DPY19L3: variants seen among roughly 807,000 people sequenced by gnomAD.
DPY19L3 encodes the protein protein C-mannosyl-transferase DPY19L3.
In DPY19L3, 51 loss-of-function variants were observed where a neutral mutation model predicts 92.3. The observed-to-expected ratio is 0.55, with a 90% CI of 0.44 to 0.70. The LOEUF (loss-of-function observed/expected upper bound fraction) is 0.70, where lower values mean the gene tolerates loss of function less well. Among genes scored for constraint, DPY19L3 ranks in the 30% least tolerant of loss-of-function variants. The pLI, the probability that DPY19L3 is intolerant of heterozygous loss-of-function variation, is 0.00. For missense variants in DPY19L3, 706 were observed against 855.9 expected, an observed-to-expected ratio of 0.82 and a Z score of 2.18; for synonymous variants, 309 against 315.2, an observed-to-expected ratio of 0.98 and a Z score of 0.21.
intron 3 of DPY19L3, among the ~76,000 whole-genome samples, chr19:32,429,895 A>T (rs1258949397): frequency 6.6e-6 from 1 of 152,194 alleles, no homozygotes; most frequent in Non-Finnish European, 1.5e-5. Context: ...TCTAGAAACG[A>T]GTGATACCAG....
intron 15 of DPY19L3, among the ~76,000 whole-genome samples, chr19:32,464,995 A>G (rs943145244): frequency 1.4e-4 from 22 of 152,240 alleles, no homozygotes; most frequent in Non-Finnish European, 1.0e-4. Flanking sequence ...GAAAACTACT[A>G]TAGCATTTAA....
intron 6 of DPY19L3, among the ~76,000 whole-genome samples, chr19:32,437,571 C>A (rs1312170859): frequency 6.6e-6 from 1 of 152,118 alleles, no homozygotes; most frequent in East Asian, 1.9e-4. Context: ...TCAAGAAAAT[C>A]ATTCATAATA....
At chr19:32,409,604 C>T (rs563225360) in intron 2 of DPY19L3, among the ~76,000 whole-genome samples, 209 of 152,324 alleles carry the variant, frequency 1.4e-3, no homozygotes, top group Non-Finnish European at 2.1e-3. Context: ...CCTCAGGGTT[C>T]TGCAGACTGT....
rs563476108 is a variant in DPY19L3 at position 32,462,598 on chromosome 19, C to T, written c.1323-768C>T. Among the ~76,000 whole-genome samples, 4 of 152,274 alleles carry T rather than the reference C, an allele frequency of 2.6e-5. No individual in the cohort carries two copies. The South Asian group carries it at 6.2e-4, about 24-fold the overall frequency. On this transcript the variant is annotated intron_variant, in intron 12 of 18. Coordinates refer to ENST00000392250, the MANE Select transcript of DPY19L3 (RefSeq NM_001172774.2). ...TGAAACGTATAACCACCACTGTGAG[C>T]CACACCTGGGAGACGGGAACAGCTT...
chr19:32,439,879 T>C lies in DPY19L3; in HGVS notation c.824T>C (p.Leu275Pro). The C allele has an allele frequency of 6.2e-7, 1 of 1,613,836 alleles. No individual in the cohort carries two copies. The highest frequency in any genetic ancestry group is 8.5e-7 in the Non-Finnish European group (1 of 1,179,806). Residue 275 changes from leucine (L) to proline (P), a missense_variant, in exon 8 of 19, where the codon CTG (leucine) becomes CCG (proline). Coordinates refer to ENST00000392250, the MANE Select transcript of DPY19L3 (RefSeq NM_001172774.2). ...MLMQALVLFT[L>P]DSLDMLPAVK... ...ATGCAAGCATTAGTGCTGTTCACAC[T>C]GGACTCCCTGGACATGCTGCCAGCA...
At chr19:32,450,156 C>T (rs1313798166) in intron 8 of DPY19L3, among the ~76,000 whole-genome samples, 2 of 152,118 alleles carry the variant, frequency 1.3e-5, no homozygotes, top group Admixed American at 6.6e-5. Flanking sequence ...CATTAGCTAT[C>T]AGAGAAATGC....
At chr19:32,434,768 G>A (rs1037864197) in intron 4 of DPY19L3, among the ~76,000 whole-genome samples, 2 of 152,266 alleles carry the variant, frequency 1.3e-5, no homozygotes, top group African/African-American at 4.8e-5. Flanking sequence ...AGGTTAGGGA[G>A]CCACATGGTC....
intron 18 of DPY19L3, chr19:32,481,274 CTT>C (rs1330811018): frequency 2.0e-5 from 3 of 152,358 alleles, no homozygotes; most frequent in African/African-American, 7.3e-5. Flanking sequence ...AAAAAAAAAT[CTT>C]GACTGTACAG....
intron 3 of DPY19L3, among the ~76,000 whole-genome samples, chr19:32,430,186 C>T (rs1968912832): frequency 6.6e-6 from 1 of 152,082 alleles, no homozygotes; most frequent in African/African-American, 2.4e-5. Context: ...CTCAGGAGTT[C>T]AAGACCAGCC....
intron 18 of DPY19L3, 137 bp from the exon 19 acceptor site, chr19:32,481,941 GT>G (rs1409989129): frequency 1.1e-6 from 1 of 946,668 alleles, no homozygotes; most frequent in African/African-American, 1.7e-5. Context: ...TGATCTCCAG[GT>G]GCCCATGGAC....
At chr19:32,477,748 C>A in intron 17 of DPY19L3, 94 bp downstream of exon 17, 1 of 1,496,152 alleles carries the variant, frequency 6.7e-7, no homozygotes, top group East Asian at 2.4e-5. Flanking sequence ...ATGCTGCACC[C>A]TCCAGCATTA....
At chr19:32,472,420 C>T (rs11666445) in intron 16 of DPY19L3, among the ~76,000 whole-genome samples, 1 of 152,140 alleles carries the variant, frequency 6.6e-6, no homozygotes, top group East Asian at 1.9e-4. Flanking sequence ...CTGCTCTCCA[C>T]GCTACACCGA....
At chr19:32,450,428 G>C (rs965973152) in intron 8 of DPY19L3, among the ~76,000 whole-genome samples, 5 of 152,166 alleles carry the variant, frequency 3.3e-5, no homozygotes, top group African/African-American at 1.2e-4. Context: ...AAAAATGTTT[G>C]TATATGAATA....
Position 32,464,747 on chromosome 19 carries a change from C to T in DPY19L3, c.1577C>T (p.Ser526Leu), listed in dbSNP as rs2145601271. 2 of 1,522,380 alleles carry T rather than the reference C, an allele frequency of 1.3e-6. No individual in the cohort carries two copies. The highest frequency in any genetic ancestry group is 4.9e-5 in the East Asian group (2 of 40,910). The allele number at this position is 1,522,380 out of a possible 1,614,324, so 94.3% of individuals were successfully genotyped here. A position where few individuals can be genotyped will look rare whatever the true frequency, so the allele number is the denominator to read the frequency against. The change falls in exon 15 of 19, where the codon TCA becomes TTA. Residue 526 changes from serine (S) to leucine (L), a missense_variant. Ser to Leu is a moderately radical substitution (Grantham distance 145, BLOSUM62 -2). Coordinates refer to ENST00000392250, the MANE Select transcript of DPY19L3 (RefSeq NM_001172774.2). ...ATATAGATATGTATAATGCGATATT[C>T]AGTACCGATATTAATACTGCTGTAT... ...NPKRICIMRY[S>L]VPILILLYLC...
At chr19:32,445,933 C>A (rs775995349) in intron 8 of DPY19L3, among the ~76,000 whole-genome samples, 1 of 151,768 alleles carries the variant, frequency 6.6e-6, no homozygotes, top group Non-Finnish European at 1.5e-5. Flanking sequence ...ACCTAGGAGG[C>A]GGAGGTTGCA....
chr19:32,408,091 G>T (rs1463678735), intron 1 of DPY19L3, 126 bp from the exon 2 acceptor site: 1 of 586,710 alleles, frequency 1.7e-6, no homozygotes, highest in East Asian at 2.9e-5. Context: ...TTGGGGGGAA[G>T]AAAAAAAAAG....
Position 32,485,770 on chromosome 19 carries a change from C to G in DPY19L3, c.*3530C>G, listed in dbSNP as rs1970781517. On this transcript the variant is annotated 3_prime_UTR_variant, in exon 19 of 19. Coordinates refer to ENST00000392250, the MANE Select transcript of DPY19L3 (RefSeq NM_001172774.2). The stretch of plus-strand genomic sequence containing the variant: ...TTGAGATGAGAGGGTGTCTTACTTT[C>G]TTGTGGCAATTGATTTTCTGTTTTA... 1.3e-5 allele frequency: 2 copies of G among 152,132 alleles called. No homozygotes were observed. The highest frequency in any genetic ancestry group is 4.8e-5 in the African/African-American group (2 of 41,454). 9.4% of individuals were successfully genotyped at this position (152,132 alleles called of 1,614,324 possible). A position where few individuals can be genotyped will look rare whatever the true frequency, so the allele number is the denominator to read the frequency against.
At chr19:32,451,364 G>A (rs1472359268) in intron 8 of DPY19L3, among the ~76,000 whole-genome samples, 2 of 152,130 alleles carry the variant, frequency 1.3e-5, no homozygotes, top group Admixed American at 6.5e-5. Context: ...CCTATTGATT[G>A]CTATTTCTTT....
chr19:32,432,686 A>G, intron 3 of DPY19L3, 30 bp from the exon 4 acceptor site: 1 of 1,600,778 alleles, frequency 6.2e-7, no homozygotes, highest in Non-Finnish European at 8.6e-7. Flanking sequence ...ACTAGGTCAC[A>G]TAAACCCATA....
Sources: gnomAD v4.1 joint callset for allele counts (sites outside exome capture counted in the v4.1 genomes callset) on GRCh38, gnomAD v4.1.1 for gene constraint, MANE v1.5 for transcripts, NCBI Gene and HGNC (gene_info 2026-07-23, HGNC 2026-07-21) for gene names.